The following EPG5 variants were observed in gnomAD, a reference collection of about 807,000 sequenced individuals.
EPG5 encodes ectopic P-granules 5 autophagy tethering factor, also known as ectopic P granules protein 5 homolog.
EPG5 carries 159 observed loss-of-function variants against 302.7 expected under a neutral mutation model. The observed-to-expected ratio is 0.53, with a 90% CI of 0.46 to 0.60. The LOEUF is 0.60. Ranked by LOEUF, EPG5 falls within the 20% of genes least tolerant of loss-of-function variation. The pLI, the probability that EPG5 is intolerant of heterozygous loss-of-function variation, is 0.00. For missense variants in EPG5, 2,896 were observed against 3,092.4 expected (o/e 0.94, Z 1.51); for synonymous variants, 1,158 against 1,136.8 (o/e 1.02, Z -0.37).
At chr18:45,924,197 A>G (rs2050218511) in intron 14 of EPG5, among the ~76,000 whole-genome samples, 1 of 152,288 alleles carries the variant, frequency 6.6e-6, no homozygotes, top group South Asian at 2.1e-4. Flanking sequence ...TGCAGCCTGG[A>G]AAAATACATT....
At chr18:45,847,322 T>A (rs746792876), downstream of EPG5, among the ~76,000 whole-genome samples, 29 of 152,094 alleles carry the variant, frequency 1.9e-4, 1 homozygote, top group Admixed American at 1.7e-3. Context: ...TCCCACCTCA[T>A]TTGTGCAATT....
the EPG5 span, among the ~76,000 whole-genome samples, chr18:45,813,572 A>T: frequency 6.6e-6 from 1 of 152,202 alleles, no homozygotes; most frequent in African/African-American, 2.4e-5. Flanking sequence ...TACACCATGG[A>T]ATACTATGCA....
the EPG5 span, among the ~76,000 whole-genome samples, chr18:45,834,353 G>A: frequency 1.2e-3 from 178 of 152,318 alleles, no homozygotes; most frequent in Non-Finnish European, 2.2e-3. Flanking sequence ...TCCCTGCCCT[G>A]CCAGAGCTTC....
the EPG5 span, among the ~76,000 whole-genome samples, chr18:45,816,639 C>T: frequency 2.2e-4 from 33 of 152,242 alleles, 1 homozygote; most frequent in South Asian, 5.8e-3. Flanking sequence ...AGCGTGGATG[C>T]GGCGAAGAGG....
At chr18:45,857,781 T>G in intron 42 of EPG5, 72 bp downstream of exon 42, 2 of 1,255,474 alleles carry the variant, frequency 1.6e-6, no homozygotes, top group Non-Finnish European at 2.3e-6. Context: ...CTGAAGTATA[T>G]CACAACCTGT....
intron 42 of EPG5, among the ~76,000 whole-genome samples, chr18:45,856,851 G>C (rs2048525275): frequency 6.6e-6 from 1 of 152,176 alleles, no homozygotes; most frequent in Non-Finnish European, 1.5e-5. Flanking sequence ...CATGCCTTGG[G>C]ATTTTTTGCA....
chr18:45,928,800 C>T lies in EPG5; in HGVS notation c.2553+69G>A, dbSNP rs559278723. The T allele has an allele frequency of 1.8e-4, 267 of 1,464,476 alleles. 2 individuals are homozygous for T. The South Asian group carries it at 3.1e-3, about 17-fold the overall frequency. 90.7% of individuals were successfully genotyped at this position (1,464,476 alleles called of 1,614,324 possible). ...GACAAGATCATTCCCAAGAACCTTC[C>T]TATTTTTGCCAATGTTCCATTACTC... On this transcript the variant is annotated intron_variant, in intron 13 of 43. Coordinates refer to ENST00000282041, the MANE Select transcript of EPG5 (RefSeq NM_020964.3).
intron 29 of EPG5, 99 bp from the exon 30 acceptor site, chr18:45,884,910 A>C (rs2049185320): frequency 1.3e-6 from 1 of 782,684 alleles, no homozygotes; most frequent in African/African-American, 1.8e-5. Context: ...GGTGAATAGA[A>C]TTTTTTTCTA....
the EPG5 span, chr18:45,838,760 C>G: frequency 6.3e-7 from 1 of 1,581,254 alleles, no homozygotes; most frequent in Non-Finnish European, 8.5e-7. Flanking sequence ...CCCAGTCCGG[C>G]TCACGCCTTC....
chr18:45,806,269 A>G, the EPG5 span, among the ~76,000 whole-genome samples: 2 of 152,204 alleles, frequency 1.3e-5, no homozygotes, highest in Admixed American at 1.3e-4. Context: ...TTTACCATAA[A>G]TTAATATATT....
intron 43 of EPG5, chr18:45,855,328 A>G (rs954463740): frequency 2.4e-6 from 1 of 417,434 alleles, no homozygotes; most frequent in Non-Finnish European, 4.4e-6. Flanking sequence ...ATTTAATGCT[A>G]GACAGACTTT....
intron 1 of EPG5, among the ~76,000 whole-genome samples, chr18:45,958,648 C>T (rs907487528): frequency 3.9e-5 from 6 of 152,100 alleles, no homozygotes; most frequent in African/African-American, 1.4e-4. Flanking sequence ...ATATCATATA[C>T]AAAAATTAAT....
chr18:45,866,118 A>G (rs1383727058), intron 38 of EPG5, among the ~76,000 whole-genome samples: 6 of 141,708 alleles, frequency 4.2e-5, no homozygotes, highest in African/African-American at 8.3e-5. Flanking sequence ...ACAAGGTACT[A>G]TTTCTTTTTT....
intron 22 of EPG5, among the ~76,000 whole-genome samples, chr18:45,911,110 C>CATATATAT (rs71373730): frequency 1.3e-4 from 17 of 127,936 alleles, no homozygotes; most frequent in African/African-American, 4.8e-4. Context: ...CACACACACA[C>CATATATAT]ATATATATAT....
At chr18:45,879,759 C>T (rs1555666362) in intron 32 of EPG5, among the ~76,000 whole-genome samples, 2 of 152,162 alleles carry the variant, frequency 1.3e-5, no homozygotes, top group Non-Finnish European at 2.9e-5. Context: ...AAGGATAAAA[C>T]CCAGAGCTCC....
rs369512968 is a variant in EPG5 at position 45,857,887 on chromosome 18, T to C, written c.7408A>G (p.Ile2470Val). 1 of 1,612,332 alleles carries C rather than the reference T, an allele frequency of 6.2e-7. No individual in the cohort carries two copies. The highest frequency in any genetic ancestry group is 8.5e-7 in the Non-Finnish European group (1 of 1,180,016). ...ERLSSGILGA[I>V]GFGRKSPLSN... ...AAAGGCGACTTCCGGCCAAACCCAATTGCCCCCAGGATCCCAGAGCTGAGT... is the reference window on the plus strand; with the variant it reads ...AAAGGCGACTTCCGGCCAAACCCAACTGCCCCCAGGATCCCAGAGCTGAGT... Residue 2470 changes from isoleucine (I) to valine (V), a missense_variant, in exon 42 of 44, where the codon ATT becomes GTT. Physicochemically the swap from Ile to Val is conservative, Grantham distance 29. Transcript: ENST00000282041.
chr18:45,872,946 T>G (rs1472618975), intron 35 of EPG5, among the ~76,000 whole-genome samples: 1 of 152,200 alleles, frequency 6.6e-6, no homozygotes, highest in Non-Finnish European at 1.5e-5. Flanking sequence ...AGCTGATAGT[T>G]CCAGCCAAGA....
chr18:45,828,049 G>A, the EPG5 span, among the ~76,000 whole-genome samples: 3 of 152,122 alleles, frequency 2.0e-5, no homozygotes, highest in East Asian at 1.9e-4. Context: ...ACTTCCTGAC[G>A]CTCTTCTGGC....
chr18:45,867,816 A>T, intron 36 of EPG5, 68 bp from the exon 37 acceptor site: 1 of 1,365,878 alleles, frequency 7.3e-7, no homozygotes, highest in African/African-American at 1.5e-5. Context: ...AATGTATGTA[A>T]ATTGTTTCAT....
Sources: allele counts gnomAD v4.1 joint callset (sites outside exome capture counted in the v4.1 genomes callset), GRCh38; gene constraint gnomAD v4.1.1; transcripts MANE v1.5; gene names NCBI Gene and HGNC (gene_info 2026-07-23, HGNC 2026-07-21).